ZNF706: variants seen among roughly 807,000 people sequenced by gnomAD.
ZNF706 encodes the protein zinc finger protein 706.
A neutral mutation model predicts 9.2 loss-of-function variants in ZNF706; 4 were observed. The observed-to-expected ratio is 0.43, with a 90% CI of 0.21 to 0.99. The LOEUF (loss-of-function observed/expected upper bound fraction) is 0.99, where lower values mean the gene tolerates loss of function less well. ZNF706 is among the 50% of genes least tolerant of loss of function. ZNF706 has a pLI of 0.26. For missense variants in ZNF706, 27 were observed against 87.8 expected (o/e 0.31, Z 2.77); for synonymous variants, 28 against 27.3 (o/e 1.03, Z -0.08).
Position 101,198,617 on chromosome 8 carries a change from T to A in ZNF706, c.*635A>T, listed in dbSNP as rs1472170042. The A allele has an allele frequency of 6.6e-6, 1 of 152,204 alleles. No homozygotes were observed. Among genetic ancestry groups the A allele is most frequent in the East Asian group, 1.9e-4 (1 of 5,204 alleles). 9.4% of individuals were successfully genotyped at this position (152,204 alleles called of 1,614,324 possible). The stretch of plus-strand genomic sequence containing the variant: ...TCTACAGGGTACACCTGACTGGCAG[T>A]TAGAGCCAGGTCATACTGCAATTTT... On this transcript the variant is annotated 3_prime_UTR_variant, in exon 4 of 4. Coordinates refer to ENST00000311212, the MANE Select transcript of ZNF706 (RefSeq NM_016096.5).
chr8:101,204,506 C>G (rs1181402796), intron 1 of ZNF706: 2 of 546,904 alleles, frequency 3.7e-6, no homozygotes, highest in African/African-American at 2.1e-5. Flanking sequence ...GAAATTCAAA[C>G]GAACCAACCA....
At chr8:101,202,772 T>G (rs1810608353) in intron 1 of ZNF706, 2 of 152,224 alleles carry the variant, frequency 1.3e-5, no homozygotes, top group African/African-American at 2.4e-5. Flanking sequence ...ACTAAAAAAG[T>G]TTAGCCCCCG....
In ZNF706 at chr8:101,200,135, T is replaced by G. The variant is rs2232688; in HGVS notation, c.136-38A>C. 3,439 of 1,511,110 alleles carry G rather than the reference T, an allele frequency of 2.3e-3. 39 individuals carry two copies. In the African/African-American group the frequency reaches 0.03, roughly 13 times the overall value. The allele number at this position is 1,511,110 out of a possible 1,614,324, so 93.6% of individuals were successfully genotyped here. The stretch of plus-strand genomic sequence containing the variant: ...TGTGCAAAAGAGAGCTAGACTTTAT[T>G]TATAAAATAAAAATGTGTTACTTTT... On this transcript the variant is annotated intron_variant, in intron 2 of 3. Transcript: ENST00000311212.
In ZNF706 at chr8:101,197,573, A is replaced by AT. The variant is rs1003995384; in HGVS notation, c.*1678dup. 2.0e-5 allele frequency: 3 copies of AT among 152,176 alleles called. No individual in the cohort carries two copies. Among genetic ancestry groups the AT allele is most frequent in the Admixed American group, 6.5e-5 (1 of 15,294 alleles). 9.4% of individuals were successfully genotyped at this position (152,176 alleles called of 1,614,324 possible). A position where few individuals can be genotyped will look rare whatever the true frequency, so the allele number is the denominator to read the frequency against. ...CAAAACTTGTGAATGGTTTTATATG[A>AT]TTTGTCACTAAACATATACATATGC... is the stretch of plus-strand genomic sequence containing the variant. On this transcript the variant is annotated 3_prime_UTR_variant, in exon 4 of 4. Coordinates refer to ENST00000311212, the MANE Select transcript of ZNF706 (RefSeq NM_016096.5).
chr8:101,201,832 T>C lies in ZNF706; in HGVS notation c.-2-89A>G, dbSNP rs1810569315. 3.7e-6 allele frequency: 5 copies of C among 1,336,874 alleles called. No homozygotes were observed. The allele number at this position is 1,336,874 out of a possible 1,614,324, so 82.8% of individuals were successfully genotyped here. On this transcript the variant is annotated intron_variant, in intron 1 of 3. Coordinates refer to ENST00000311212, the MANE Select transcript of ZNF706 (RefSeq NM_016096.5). This position sits in a 1 kb window ranked among gnomAD's most constrained non-coding sequence, Gnocchi z 4.5. ...AAGAACGTTCTTAGAATTGAAGCCT[T>C]AAGTTTTATAGAAATATCTGGCAAA...
rs557122293 is a variant in ZNF706 at position 101,201,959 on chromosome 8, C to T, written c.-2-216G>A. 2.0e-5 allele frequency among the ~76,000 whole-genome samples: 3 copies of T among 152,056 alleles called. No individual in the cohort carries two copies. Among genetic ancestry groups the T allele is most frequent in the Non-Finnish European group, 4.4e-5 (3 of 68,026 alleles). ...AGTTGGTAGCTGTTTATTCTATGAG[C>T]CAGCAATTCCACTCTTGGTATATAC... is the stretch of plus-strand genomic sequence containing the variant. On this transcript the variant is annotated intron_variant, in intron 1 of 3. Transcript: ENST00000311212. This position sits in a 1 kb window ranked among gnomAD's most constrained non-coding sequence, Gnocchi z 4.5.
In ZNF706 at chr8:101,200,014, A is replaced by G. The variant is rs140035839; in HGVS notation, c.219T>C (p.Asp73=). Residue 73 remains aspartate (D), a synonymous_variant, in exon 3 of 4, where the codon GAT becomes GAC. Transcript: ENST00000311212. Reference sequence around the variant, plus strand: ...CCTGTAAACAACCTTATGCCTGAACATCAGCTAATTCTGGAGGAAGTGGAG... The same window carrying G: ...CCTGTAAACAACCTTATGCCTGAACGTCAGCTAATTCTGGAGGAAGTGGAG... The part of the protein sequence containing the change: ...PKTPLPPELA[D]VQA The G allele has an allele frequency of 9.9e-6, 16 of 1,611,720 alleles. No homozygotes were observed. The African/African-American group carries it at 2.0e-4, about 20-fold the overall frequency.
intron 1 of ZNF706, chr8:101,204,650 A>G: frequency 1.0e-6 from 1 of 985,410 alleles, no homozygotes; most frequent in Non-Finnish European, 1.2e-6. Context: ...AAATACCTAC[A>G]TGCTGGTTTT....
chr8:101,201,337 C>T lies in ZNF706; in HGVS notation c.135+270G>A. 2.5e-6 allele frequency: 1 copy of T among 397,312 alleles called. No homozygotes were observed. The highest frequency in any genetic ancestry group is 4.5e-6 in the Non-Finnish European group (1 of 221,608). 24.6% of individuals were successfully genotyped at this position (397,312 alleles called of 1,614,324 possible). On this transcript the variant is annotated intron_variant, in intron 2 of 3. Transcript: ENST00000311212. The surrounding 1 kb of genome is among the most constrained non-coding windows in gnomAD (Gnocchi z 4.5). ...TGTGCTAGTGAAGTGTATTATATGCCCTTATGAAGACATCTTTATTTTATA... is the reference window on the plus strand; with the variant it reads ...TGTGCTAGTGAAGTGTATTATATGCTCTTATGAAGACATCTTTATTTTATA...
At chr8:101,204,709 T>C (rs751324652) in intron 1 of ZNF706, 3 of 985,244 alleles carry the variant, frequency 3.0e-6, no homozygotes, top group East Asian at 1.1e-4. Flanking sequence ...AAGAGGGAAG[T>C]AGTGGAAGAA....
intron 1 of ZNF706, chr8:101,203,971 A>G (rs1408076860): frequency 6.6e-6 from 1 of 152,198 alleles, no homozygotes; most frequent in East Asian, 1.9e-4. Context: ...TATGTATACC[A>G]ATGTTTTGCA....
intron 3 of ZNF706, among the ~76,000 whole-genome samples, chr8:101,199,719 A>C (rs1350759362): frequency 1.3e-5 from 2 of 152,218 alleles, no homozygotes; most frequent in Non-Finnish European, 2.9e-5. Context: ...TATTTTCTTT[A>C]AACTGATAAG....
chr8:101,206,153 T>A (rs1810765822), upstream of ZNF706: 1 of 152,094 alleles, frequency 6.6e-6, no homozygotes, highest in African/African-American at 2.4e-5. Context: ...CTGAGTCACA[T>A]TCCCGGAGCC....
In ZNF706 at chr8:101,205,498, G is replaced by C. The variant is rs1810729412; in HGVS notation, c.-66C>G. On this transcript the variant is annotated 5_prime_UTR_variant, in exon 1 of 4. Transcript: ENST00000311212. This position sits in a 1 kb window ranked among gnomAD's most constrained non-coding sequence, Gnocchi z 6.6. ...CGCGAGAGGGCCGGGAGAGGACGCC[G>C]GAGGGAAAGGAAGGGGGAGCGCGCC... The C allele has an allele frequency of 6.5e-6, 1 of 154,672 alleles. No individual in the cohort carries two copies. Among genetic ancestry groups the C allele is most frequent in the South Asian group, 1.8e-4 (1 of 5,696 alleles). The allele number at this position is 154,672 out of a possible 1,614,324, so 9.6% of individuals were successfully genotyped here. A position where few individuals can be genotyped will look rare whatever the true frequency, so the allele number is the denominator to read the frequency against.
In ZNF706 at chr8:101,204,872, C is replaced by T. The variant is rs1046354581; in HGVS notation, c.-3+563G>A. 7 of 985,612 alleles carry T rather than the reference C, an allele frequency of 7.1e-6. No homozygotes were observed. The South Asian group carries it at 3.3e-4, about 46-fold the overall frequency. 61.1% of individuals were successfully genotyped at this position (985,612 alleles called of 1,614,324 possible). On this transcript the variant is annotated intron_variant, in intron 1 of 3. Transcript: ENST00000311212. ...CCATAACCATCGGAAAGGAAGAGGC[C>T]CAGGCAGCGCTCCACATCCTGACCC...
At chr8:101,202,755 C>G (rs1212280412) in intron 1 of ZNF706, 1 of 152,176 alleles carries the variant, frequency 6.6e-6, no homozygotes, top group Non-Finnish European at 1.5e-5. Flanking sequence ...GTAATCTTCA[C>G]AAGTTTACTA....
In ZNF706 at chr8:101,199,975, A is replaced by T. The variant is rs746792386; in HGVS notation, c.*12+15T>A. 1.9e-6 allele frequency: 3 copies of T among 1,572,598 alleles called. No individual in the cohort carries two copies. In the African/African-American group the frequency reaches 4.1e-5, roughly 21 times the overall value. On this transcript the variant is annotated intron_variant, in intron 3 of 3. Coordinates refer to ENST00000311212, the MANE Select transcript of ZNF706 (RefSeq NM_016096.5). ...CCCTGTTATTAACAAACCAATAGAA[A>T]AAGAGGTGAGTTACCTGTAAACAAC...
In ZNF706 at chr8:101,197,797, G is replaced by GA. The variant is rs1450822797; in HGVS notation, c.*1454dup. On this transcript the variant is annotated 3_prime_UTR_variant, in exon 4 of 4. Coordinates refer to ENST00000311212, the MANE Select transcript of ZNF706 (RefSeq NM_016096.5). ...AGGGCATAAGAATAGGAATTGCTAA[G>GA]AAACTATCAGCCCTGAAGCTTTTCC... The GA allele has an allele frequency of 1.3e-5, 2 of 152,278 alleles. No homozygotes were observed. Among genetic ancestry groups the GA allele is most frequent in the Admixed American group, 1.3e-4 (2 of 15,294 alleles). 9.4% of individuals were successfully genotyped at this position (152,278 alleles called of 1,614,324 possible).
Position 101,197,232 on chromosome 8 carries a change from T to C in ZNF706, c.*2020A>G, listed in dbSNP as rs1810395043. The C allele has an allele frequency of 6.6e-6, 1 of 152,210 alleles. No homozygotes were observed. The highest frequency in any genetic ancestry group is 2.1e-4 in the South Asian group (1 of 4,832). The allele number at this position is 152,210 out of a possible 1,614,324, so 9.4% of individuals were successfully genotyped here. The stretch of plus-strand genomic sequence containing the variant: ...AAATGGACCAATTCTCTCTCAGTGT[T>C]ATTTTATCAAGTCTTTGAAGACACC... On this transcript the variant is annotated 3_prime_UTR_variant, in exon 4 of 4. Transcript: ENST00000311212.
Sources: gnomAD v4.1 joint callset for allele counts (sites outside exome capture counted in the v4.1 genomes callset) on GRCh38, gnomAD v4.1.1 for gene constraint, Gnocchi (gnomAD v3.1) non-coding constraint, MANE v1.5 for transcripts, NCBI Gene and HGNC (gene_info 2026-07-23, HGNC 2026-07-21) for gene names.